The following CDKAL1 variants were observed in gnomAD, a reference collection of about 807,000 sequenced individuals.
The protein encoded by CDKAL1 is CDKAL1 threonylcarbamoyladenosine tRNA methylthiotransferase, also known as threonylcarbamoyladenosine tRNA methylthiotransferase.
Under a neutral mutation model 68.2 loss-of-function variants are expected in CDKAL1, and 32 were observed. The observed-to-expected ratio is 0.47, with a 90% CI of 0.35 to 0.63. The LOEUF is 0.63. Ranked by LOEUF, CDKAL1 falls within the 30% of genes least tolerant of loss-of-function variation. The pLI, the probability that CDKAL1 is intolerant of heterozygous loss-of-function variation, is 0.00. For missense variants in CDKAL1, 606 were observed against 696.7 expected (o/e 0.87, Z 1.47); for synonymous variants, 234 against 244.3 (o/e 0.96, Z 0.39).
intron 11 of CDKAL1, among the ~76,000 whole-genome samples, chr6:21,021,353 A>G (rs973040352): frequency 2.0e-5 from 3 of 152,166 alleles, no homozygotes; most frequent in Admixed American, 1.3e-4. Context: ...CTACTTTTTT[A>G]TGTATTCAAA....
chr6:21,020,310 T>C (rs1768575666), intron 11 of CDKAL1, among the ~76,000 whole-genome samples: 1 of 152,172 alleles, frequency 6.6e-6, no homozygotes, highest in Non-Finnish European at 1.5e-5. Context: ...CATAAAAGGC[T>C]TGTTCACTCA....
At position 20,846,062 on chromosome 6, in the gene CDKAL1, A is replaced by T. The variant is rs1778364263; in HGVS notation, c.639-13A>T. On this transcript the variant is annotated splice_polypyrimidine_tract_variant and intron_variant, in intron 8 of 15. Transcript: ENST00000274695. ...AGAAATTTGAGTCTTATTTATTGTT[A>T]TCATTTGAACAGGTGTCTCAATGCT... 1 of 1,564,252 alleles carries T rather than the reference A, an allele frequency of 6.4e-7. No individual in the cohort carries two copies. The highest frequency in any genetic ancestry group is 8.8e-7 in the Non-Finnish European group (1 of 1,140,478).
At chr6:20,558,649 A>G in intron 4 of CDKAL1, 1 of 454,446 alleles carries the variant, frequency 2.2e-6, no homozygotes, top group Non-Finnish European at 4.4e-6. Flanking sequence ...AGATTTGTTC[A>G]TCACACCACA....
Position 20,852,247 on chromosome 6 carries a change from C to T in CDKAL1, c.742+6069C>T, listed in dbSNP as rs114447301. On this transcript the variant is annotated intron_variant, in intron 9 of 15. Transcript: ENST00000274695. The stretch of plus-strand genomic sequence containing the variant: ...TTACAACTGTTGAGTCCTGGCTCTT[C>T]AGAAGAATAGTGAAATAGAGTGATT... Among the ~76,000 whole-genome samples the T allele has an allele frequency of 7.9e-3, 1,208 of 152,130 alleles. 14 individuals are homozygous for T. The highest frequency in any genetic ancestry group is 0.028 in the African/African-American group (1,145 of 41,492).
At chr6:21,066,388 C>T (rs1285116489) in intron 12 of CDKAL1, among the ~76,000 whole-genome samples, 1 of 152,100 alleles carries the variant, frequency 6.6e-6, no homozygotes, top group East Asian at 1.9e-4. Flanking sequence ...CACCACAAAT[C>T]GTTAACTTCC....
intron 6 of CDKAL1, among the ~76,000 whole-genome samples, chr6:20,750,110 G>A (rs145756468): frequency 6.6e-6 from 1 of 152,042 alleles, no homozygotes; most frequent in Non-Finnish European, 1.5e-5. Flanking sequence ...ATGAAGCAGG[G>A]ATGTTGTATT....
chr6:21,101,519 T>G (rs561258490), intron 12 of CDKAL1, among the ~76,000 whole-genome samples: 15 of 152,236 alleles, frequency 9.9e-5, no homozygotes, highest in African/African-American at 3.4e-4. Context: ...TGCTAGGATT[T>G]TAACCTCAAT....
chr6:20,619,133 C>T (rs1767063506), intron 4 of CDKAL1, among the ~76,000 whole-genome samples: 1 of 152,142 alleles, frequency 6.6e-6, no homozygotes, highest in Admixed American at 6.5e-5. Flanking sequence ...AGCTAAGCTA[C>T]CCTCATATCA....
chr6:20,806,838 A>T (rs1317047770), intron 8 of CDKAL1, among the ~76,000 whole-genome samples: 1 of 152,216 alleles, frequency 6.6e-6, no homozygotes, highest in Non-Finnish European at 1.5e-5. Context: ...CAAGGAAATT[A>T]ATAAAGCATT....
chr6:21,187,885 GA>G (rs1582382827), intron 13 of CDKAL1, among the ~76,000 whole-genome samples: 1 of 152,008 alleles, frequency 6.6e-6, no homozygotes, highest in Non-Finnish European at 1.5e-5. Context: ...GGGAATGTAT[GA>G]AAAAAATTTT....
chr6:21,051,625 T>C (rs1417501516), intron 11 of CDKAL1, among the ~76,000 whole-genome samples: 1 of 152,178 alleles, frequency 6.6e-6, no homozygotes, highest in African/African-American at 2.4e-5. Flanking sequence ...ATCTATCTTA[T>C]GAGAAAGTTA....
intron 15 of CDKAL1, among the ~76,000 whole-genome samples, chr6:21,228,657 A>G (rs4710966): frequency 0.4 from 61,242 of 151,932 alleles, 12,661 homozygotes; most frequent in East Asian, 0.53. Context: ...CTTACTGAGT[A>G]CCTGCTCTGT....
At chr6:21,070,075 C>A (rs1771689350) in intron 12 of CDKAL1, among the ~76,000 whole-genome samples, 1 of 152,006 alleles carries the variant, frequency 6.6e-6, no homozygotes, top group South Asian at 2.1e-4. Context: ...CAGGCATGAG[C>A]CAGGTCCCCC....
At chr6:20,541,822 G>A (rs139636686) in intron 2 of CDKAL1, among the ~76,000 whole-genome samples, 1,700 of 152,240 alleles carry the variant, frequency 0.011, 31 homozygotes, top group African/African-American at 0.037. Flanking sequence ...CACCACGCCC[G>A]GCTAATTTTG....
chr6:20,859,237 C>T (rs938480874), intron 9 of CDKAL1, among the ~76,000 whole-genome samples: 2 of 151,090 alleles, frequency 1.3e-5, no homozygotes, highest in South Asian at 2.1e-4. Flanking sequence ...AAATGGTGTT[C>T]GCTGCACTCC....
At chr6:20,993,512 A>C (rs1436225167) in intron 10 of CDKAL1, 1 of 152,210 alleles carries the variant, frequency 6.6e-6, no homozygotes, top group Non-Finnish European at 1.5e-5. Flanking sequence ...GAGTGATTGC[A>C]CAGGGGCCAT....
Position 21,146,193 on chromosome 6 carries a change from T to C in CDKAL1, c.1299+37730T>C, listed in dbSNP as rs150329823. Among the ~76,000 whole-genome samples, 811 of 152,186 alleles carry C rather than the reference T, an allele frequency of 5.3e-3. 6 individuals are homozygous for C. Among genetic ancestry groups the C allele is most frequent in the African/African-American group, 0.019 (780 of 41,538 alleles). ...TGCATTAGGTATCAGGGACCAGGCA[T>C]TTGTCTGAGCTCCAACACGTGCTTT... On this transcript the variant is annotated intron_variant, in intron 13 of 15. Transcript: ENST00000274695.
intron 4 of CDKAL1, among the ~76,000 whole-genome samples, chr6:20,587,617 C>T (rs9465820): frequency 6.6e-6 from 1 of 151,984 alleles, no homozygotes; most frequent in African/African-American, 2.4e-5. Context: ...CCTGTAGTCC[C>T]AGCTACTCTG....
At chr6:21,217,462 G>C (rs1398929806) in intron 15 of CDKAL1, among the ~76,000 whole-genome samples, 1 of 149,760 alleles carries the variant, frequency 6.7e-6, no homozygotes, top group Non-Finnish European at 1.5e-5. Context: ...ACCCAGCTAA[G>C]TTTTATTTTT....
Sources: gnomAD v4.1 joint callset for allele counts (sites outside exome capture counted in the v4.1 genomes callset) on GRCh38, gnomAD v4.1.1 for gene constraint, MANE v1.5 for transcripts, NCBI Gene and HGNC (gene_info 2026-07-23, HGNC 2026-07-21) for gene names.